GAS7: variants seen among roughly 807,000 people sequenced by gnomAD.
GAS7 encodes the protein growth arrest-specific protein 7.
Under a neutral mutation model 71.1 loss-of-function variants are expected in GAS7, and 28 were observed. The observed-to-expected ratio is 0.39, with a 90% CI of 0.29 to 0.54. The LOEUF (loss-of-function observed/expected upper bound fraction) is 0.54. Ranked by LOEUF, GAS7 falls within the 20% of genes least tolerant of loss-of-function variation. GAS7 has a pLI of 0.62. For missense variants in GAS7, 436 were observed against 627.8 expected (o/e 0.69, Z 3.27); for synonymous variants, 258 against 245.8 (o/e 1.05, Z -0.46).
intron 1 of GAS7, among the ~76,000 whole-genome samples, chr17:10,066,975 A>G (rs1039652617): frequency 1.3e-5 from 2 of 152,174 alleles, no homozygotes; most frequent in Non-Finnish European, 2.9e-5. Context: ...AATAATGATG[A>G]TGTAAGTATT....
intron 1 of GAS7, among the ~76,000 whole-genome samples, chr17:10,046,406 A>C (rs1224102846): frequency 6.6e-6 from 1 of 151,848 alleles, no homozygotes; most frequent in African/African-American, 2.4e-5. Flanking sequence ...AAAAAAAAAA[A>C]AACTCGAGAA....
chr17:10,097,140 CT>C (rs1236404978), intron 1 of GAS7, among the ~76,000 whole-genome samples: 1 of 152,248 alleles, frequency 6.6e-6, no homozygotes, highest in Non-Finnish European at 1.5e-5. Context: ...GGGAATCCTA[CT>C]CCTCTGTAAG....
rs888962007 is a variant in GAS7, at chr17:9,974,522, A to G, written c.386-4760T>C. ...TCAGTCTGGAGATACAAGGAAAAAA[A>G]AAAAGCAAATGTCACACTCATCTGT... On this transcript the variant is annotated intron_variant, in intron 3 of 13. Transcript: ENST00000432992. The surrounding 1 kb of genome is among the most constrained non-coding windows in gnomAD (Gnocchi z 4.0). Among the ~76,000 whole-genome samples, 9 of 152,212 alleles carry G rather than the reference A, an allele frequency of 5.9e-5. No homozygotes were observed. Among genetic ancestry groups the G allele is most frequent in the Non-Finnish European group, 1.2e-4 (8 of 68,042 alleles).
At chr17:10,172,529 A>G (rs1439615600) in intron 1 of GAS7, among the ~76,000 whole-genome samples, 1 of 152,204 alleles carries the variant, frequency 6.6e-6, no homozygotes, top group African/African-American at 2.4e-5. Flanking sequence ...AAAAAAAAGA[A>G]GAAGAAAAAA....
At chr17:9,943,641 A>T (rs1188317224) in intron 6 of GAS7, among the ~76,000 whole-genome samples, 2 of 152,236 alleles carry the variant, frequency 1.3e-5, no homozygotes, top group Non-Finnish European at 2.9e-5. Flanking sequence ...GCTCAGGAGC[A>T]GGTACCCCCA....
chr17:10,154,948 AC>A (rs1340841440), intron 1 of GAS7, among the ~76,000 whole-genome samples: 5 of 150,516 alleles, frequency 3.3e-5, no homozygotes, highest in African/African-American at 1.2e-4. Flanking sequence ...ACACACACAC[AC>A]ACACACAAAA....
In GAS7 at chr17:9,915,845, A is replaced by G. The variant is rs1001797456; in HGVS notation, c.*1383T>C. 3 of 231,292 alleles carry G rather than the reference A, an allele frequency of 1.3e-5. No individual in the cohort carries two copies. Among genetic ancestry groups the G allele is most frequent in the African/African-American group, 6.6e-5 (3 of 45,230 alleles). The allele number at this position is 231,292 out of a possible 1,614,324, so 14.3% of individuals were successfully genotyped here. On this transcript the variant is annotated 3_prime_UTR_variant, in exon 14 of 14. Transcript: ENST00000432992. ...GCCCCTTTAGACTCTTTAGACTGAC[A>G]TGGTGGAGAATGTGTTTGCTGTGGT...
chr17:10,176,590 AT>A lies in GAS7; in HGVS notation c.183+21617del, dbSNP rs556538519. On this transcript the variant is annotated intron_variant, in intron 1 of 13. Coordinates refer to ENST00000432992, the MANE Select transcript of GAS7 (RefSeq NM_201433.2). ...TGAACATTGCAAGGCCAAAGAGCCA[AT>A]AACTCTGTGGAAGGGGTGTTGGAAG... Among the ~76,000 whole-genome samples the A allele has an allele frequency of 3.4e-3, 523 of 152,334 alleles. 1 individual carries two copies. Among genetic ancestry groups the A allele is most frequent in the Middle Eastern group, 6.8e-3 (2 of 294 alleles).
At chr17:10,022,027 G>A (rs761507757) in intron 1 of GAS7, among the ~76,000 whole-genome samples, 1 of 152,164 alleles carries the variant, frequency 6.6e-6, no homozygotes, top group African/African-American at 2.4e-5. Flanking sequence ...GGAGGCCGAG[G>A]TGGAAGAATG....
intron 1 of GAS7, among the ~76,000 whole-genome samples, chr17:10,139,759 G>T (rs776548173): frequency 6.6e-6 from 1 of 152,298 alleles, no homozygotes; most frequent in Non-Finnish European, 1.5e-5. Flanking sequence ...GATATGGTGC[G>T]GGAAAGGGAA....
At chr17:10,097,809 C>T (rs1242286225) in intron 1 of GAS7, among the ~76,000 whole-genome samples, 1 of 151,922 alleles carries the variant, frequency 6.6e-6, no homozygotes, top group Non-Finnish European at 1.5e-5. Flanking sequence ...TTTGGGAGGC[C>T]GAGGCGGGCA....
intron 2 of GAS7, among the ~76,000 whole-genome samples, chr17:9,988,304 C>T (rs2070716225): frequency 6.6e-6 from 1 of 152,204 alleles, no homozygotes; most frequent in African/African-American, 2.4e-5. Flanking sequence ...CGTTTCTCAG[C>T]CCTTCTCCCT....
At position 9,926,595 on chromosome 17, in the gene GAS7, C is replaced by A. The variant is rs770795926; in HGVS notation, c.1014+46G>T. Reference sequence around the variant, plus strand: ...GCTTCCCAGTCCCCCTTCTTCCAGGCAGTCCCCCATGCACCTGCCCTGGCC... The same window carrying A: ...GCTTCCCAGTCCCCCTTCTTCCAGGAAGTCCCCCATGCACCTGCCCTGGCC... On this transcript the variant is annotated intron_variant, in intron 10 of 13. Transcript: ENST00000432992. The surrounding 1 kb of genome is among the most constrained non-coding windows in gnomAD (Gnocchi z 5.0). 3.1e-6 allele frequency: 5 copies of A among 1,601,024 alleles called. No individual in the cohort carries two copies. In the South Asian group the frequency reaches 4.4e-5, roughly 14 times the overall value.
chr17:10,092,675 G>A (rs2073596411), intron 1 of GAS7, among the ~76,000 whole-genome samples: 1 of 152,168 alleles, frequency 6.6e-6, no homozygotes, highest in Non-Finnish European at 1.5e-5. Flanking sequence ...ATATTCTGAG[G>A]TCAGAAGTCC....
chr17:9,934,602 T>C (rs1221233032), intron 8 of GAS7, among the ~76,000 whole-genome samples: 3 of 152,140 alleles, frequency 2.0e-5, no homozygotes, highest in Non-Finnish European at 4.4e-5. Context: ...AGTGAGGGCC[T>C]TGACCCCTGG....
At chr17:10,166,504 C>T (rs2074295187) in intron 1 of GAS7, among the ~76,000 whole-genome samples, 1 of 152,292 alleles carries the variant, frequency 6.6e-6, no homozygotes, top group East Asian at 1.9e-4. Context: ...TGTATTGATG[C>T]TTTCCTTTTA....
Position 10,029,081 on chromosome 17 carries a change from C to A in GAS7, c.184-9184G>T, listed in dbSNP as rs1167572664. ...TTCAAAAAACCAACCAGCAGACATA[C>A]CCTAACAACATATTTACACAGCAAA... On this transcript the variant is annotated intron_variant, in intron 1 of 13. Transcript: ENST00000432992. 2.0e-5 allele frequency among the ~76,000 whole-genome samples: 3 copies of A among 152,180 alleles called. No homozygotes were observed. The East Asian group carries it at 5.8e-4, about 29-fold the overall frequency.
chr17:9,965,238 C>T (rs1001468082), intron 4 of GAS7, among the ~76,000 whole-genome samples: 1 of 152,172 alleles, frequency 6.6e-6, no homozygotes, highest in Non-Finnish European at 1.5e-5. Flanking sequence ...TATTGCTACA[C>T]TATTTACAAC....
chr17:10,123,033 T>C (rs1185411625), intron 1 of GAS7, among the ~76,000 whole-genome samples: 1 of 152,094 alleles, frequency 6.6e-6, no homozygotes, highest in South Asian at 2.1e-4. Flanking sequence ...GGTCTCACCA[T>C]GTTGCTCAGG....
Sources: allele counts gnomAD v4.1 joint callset (sites outside exome capture counted in the v4.1 genomes callset), GRCh38; gene constraint gnomAD v4.1.1; non-coding constraint Gnocchi (gnomAD v3.1); transcripts MANE v1.5; gene names NCBI Gene and HGNC (gene_info 2026-07-23, HGNC 2026-07-21).